Variants in SNX27 observed in about 807,000 individuals in gnomAD.
SNX27 encodes the protein sorting nexin-27.
In SNX27, 22 loss-of-function variants were observed where a neutral mutation model predicts 71.6. The observed-to-expected ratio is 0.31, with a 90% confidence interval of 0.22 to 0.44. The LOEUF (loss-of-function observed/expected upper bound fraction) is 0.44. SNX27 is among the 20% of genes least tolerant of loss of function. SNX27 has a pLI of 1.00. For missense variants in SNX27, 531 were observed against 698.6 expected (o/e 0.76, Z 2.70); for synonymous variants, 269 against 277.2 (o/e 0.97, Z 0.29).
Position 151,638,975 on chromosome 1 carries a change from A to G in SNX27, c.399A>G (p.Leu133=), listed in dbSNP as rs2102633155. 1 of 1,614,200 alleles carries G rather than the reference A, an allele frequency of 6.2e-7. No homozygotes were observed. The highest frequency in any genetic ancestry group is 8.5e-7 in the Non-Finnish European group (1 of 1,180,042). The change falls in exon 2 of 12, where the codon TTA becomes TTG. Residue 133 remains leucine (L), a synonymous_variant. Coordinates refer to ENST00000458013, the MANE Select transcript of SNX27 (RefSeq NM_001330723.2). ...AGAAGGAATTGATCTTGACAGTGTTATCTGTACCTCCTCATGAGGCAGATA... is the reference window on the plus strand; with the variant it reads ...AGAAGGAATTGATCTTGACAGTGTTGTCTGTACCTCCTCATGAGGCAGATA... ...AGEKELILTV[L]SVPPHEADNL...
At chr1:151,685,496 A>G (rs1248730044) in intron 8 of SNX27, 1 of 152,264 alleles carries the variant, frequency 6.6e-6, no homozygotes. Context: ...AGCCTGGCCA[A>G]CATGGTGAAA....
chr1:151,640,296 G>A (rs1411626902), intron 2 of SNX27, among the ~76,000 whole-genome samples: 1 of 152,142 alleles, frequency 6.6e-6, no homozygotes, highest in Admixed American at 6.6e-5. Flanking sequence ...TGGATGTTGA[G>A]ACCTTTTGGG....
At chr1:151,646,300 TC>T (rs1239707284) in intron 2 of SNX27, among the ~76,000 whole-genome samples, 1 of 152,138 alleles carries the variant, frequency 6.6e-6, no homozygotes, top group Non-Finnish European at 1.5e-5. Flanking sequence ...TGCTTTTTTA[TC>T]CAGTCTGGCA....
In SNX27 at chr1:151,612,276, G is replaced by A. The variant is rs777499754; in HGVS notation, c.75G>A (p.Gly25=). ...HRNGGGGGGG[G]SGLHCAGNGG... is the part of the protein sequence containing the mutation. ...ACGGAGGTGGCGGCGGCGGCGGGGGGTCTGGGCTCCACTGCGCCGGGAACG... is the reference window on the plus strand; with the variant it reads ...ACGGAGGTGGCGGCGGCGGCGGGGGATCTGGGCTCCACTGCGCCGGGAACG... Residue 25 remains glycine (G), a synonymous_variant, in exon 1 of 12, where the codon GGG becomes GGA. Transcript: ENST00000458013. The surrounding 1 kb of genome is among the most constrained non-coding windows in gnomAD (Gnocchi z 5.2). 21 of 1,484,356 alleles carry A rather than the reference G, an allele frequency of 1.4e-5. No homozygotes were observed. In the Admixed American group the frequency reaches 1.8e-4, roughly 12 times the overall value. The allele number at this position is 1,484,356 out of a possible 1,614,324, so 91.9% of individuals were successfully genotyped here.
intron 1 of SNX27, among the ~76,000 whole-genome samples, chr1:151,637,380 G>C (rs188476250): frequency 5.9e-4 from 90 of 152,016 alleles, no homozygotes; most frequent in Non-Finnish European, 1.0e-3. Flanking sequence ...GGGTTTCACC[G>C]TGTTAGCCAG....
At chr1:151,682,637 T>C (rs1671019554) in intron 7 of SNX27, among the ~76,000 whole-genome samples, 1 of 152,118 alleles carries the variant, frequency 6.6e-6, no homozygotes, top group African/African-American at 2.4e-5. Context: ...TGGGAAAGCC[T>C]CAGGAAACTT....
intron 2 of SNX27, among the ~76,000 whole-genome samples, chr1:151,656,669 C>G (rs1312284545): frequency 6.6e-6 from 1 of 152,132 alleles, no homozygotes; most frequent in Non-Finnish European, 1.5e-5. Flanking sequence ...ATACAAATGT[C>G]AATGGCAGCA....
intron 2 of SNX27, among the ~76,000 whole-genome samples, chr1:151,656,756 C>A (rs752627493): frequency 2.6e-5 from 4 of 152,228 alleles, no homozygotes; most frequent in Non-Finnish European, 5.9e-5. Flanking sequence ...AAACGAGCAA[C>A]TATGATATAT....
At chr1:151,669,981 T>C (rs1317804973) in intron 7 of SNX27, among the ~76,000 whole-genome samples, 1 of 152,234 alleles carries the variant, frequency 6.6e-6, no homozygotes, top group African/African-American at 2.4e-5. Flanking sequence ...ATACTAGGCC[T>C]TATTCATTAA....
intron 11 of SNX27, 116 bp from the exon 12 acceptor site, chr1:151,694,254 A>T: frequency 6.7e-7 from 1 of 1,496,178 alleles, no homozygotes; most frequent in South Asian, 1.3e-5. Context: ...ATCAAGAAAG[A>T]TGTGGCCAAT....
intron 1 of SNX27, chr1:151,613,437 T>C: frequency 6.5e-6 from 1 of 152,814 alleles, no homozygotes; most frequent in Non-Finnish European, 1.5e-5. Flanking sequence ...CTTCAAGCCC[T>C]TTTTGGGTCT....
intron 10 of SNX27, 89 bp from the exon 11 acceptor site, chr1:151,693,335 A>G: frequency 7.7e-7 from 1 of 1,305,324 alleles, no homozygotes; most frequent in South Asian, 1.2e-5. Context: ...AGTTTGGAAG[A>G]TGGGATGACT....
At chr1:151,681,078 A>T (rs1312776944) in intron 7 of SNX27, among the ~76,000 whole-genome samples, 2 of 152,052 alleles carry the variant, frequency 1.3e-5, no homozygotes, top group East Asian at 3.8e-4. Context: ...TACTAATAAT[A>T]GCTACTGATA....
At chr1:151,657,448 A>G (rs193062915) in intron 2 of SNX27, among the ~76,000 whole-genome samples, 214 of 152,294 alleles carry the variant, frequency 1.4e-3, no homozygotes, top group African/African-American at 5.0e-3. Flanking sequence ...CTGGAATCAC[A>G]GACGTGAGCC....
rs145445251 is a variant in SNX27, at chr1:151,665,144, A to G, written c.907-789A>G. ...GGCATGAAAAAGAGATACCTTACTT[A>G]TATTGAGGTTGATCTTGAAAAGAAA... is the stretch of plus-strand genomic sequence containing the variant. On this transcript the variant is annotated intron_variant, in intron 5 of 11. Coordinates refer to ENST00000458013, the MANE Select transcript of SNX27 (RefSeq NM_001330723.2). Among the ~76,000 whole-genome samples, 79 of 152,288 alleles carry G rather than the reference A, an allele frequency of 5.2e-4. No homozygotes were observed. In the East Asian group the frequency reaches 0.014, roughly 27 times the overall value.
chr1:151,634,506 A>C (rs1010139045), intron 1 of SNX27, among the ~76,000 whole-genome samples: 3 of 152,170 alleles, frequency 2.0e-5, no homozygotes, highest in African/African-American at 7.2e-5. Flanking sequence ...CAGTTTCCCT[A>C]GCTGGCCAAC....
intron 1 of SNX27, among the ~76,000 whole-genome samples, chr1:151,623,283 G>A (rs752198089): frequency 9.9e-5 from 15 of 152,214 alleles, no homozygotes; most frequent in Admixed American, 5.9e-4. Context: ...TGGGACTACA[G>A]GTGCGGGCCA....
intron 1 of SNX27, among the ~76,000 whole-genome samples, chr1:151,637,339 C>T (rs898679643): frequency 3.3e-5 from 5 of 151,952 alleles, no homozygotes; most frequent in South Asian, 2.1e-4. Context: ...CCACCATGCC[C>T]GGCTAATTTT....
Position 151,694,987 on chromosome 1 carries a change from G to A in SNX27, c.*570G>A, listed in dbSNP as rs1671634979. On this transcript the variant is annotated 3_prime_UTR_variant, in exon 12 of 12. Transcript: ENST00000458013. ...AAAGGAAAAAAAAGCATTTTACAGG[G>A]AAAAATACCTCTCCTCATGAAGGAC... 1 of 152,498 alleles carries A rather than the reference G, an allele frequency of 6.6e-6. No individual in the cohort carries two copies. 9.4% of individuals were successfully genotyped at this position (152,498 alleles called of 1,614,324 possible). A position where few individuals can be genotyped will look rare whatever the true frequency, so the allele number is the denominator to read the frequency against.
Sources: allele counts gnomAD v4.1 joint callset (sites outside exome capture counted in the v4.1 genomes callset), GRCh38; gene constraint gnomAD v4.1.1; non-coding constraint Gnocchi (gnomAD v3.1); transcripts MANE v1.5; gene names NCBI Gene and HGNC (gene_info 2026-07-23, HGNC 2026-07-21).